Variants in TENM1 observed in about 807,000 individuals in gnomAD.
TENM1 encodes the protein teneurin transmembrane protein 1.
A neutral mutation model predicts 174.8 loss-of-function variants in TENM1; 35 were observed. The ratio of observed to expected loss-of-function variants is 0.20; its 90% CI spans 0.15 to 0.27. The LOEUF is 0.27. Among genes scored for constraint, TENM1 ranks in the 10% least tolerant of loss-of-function variants. The probability of loss-of-function intolerance (pLI) is 1.00; values close to 1 mark genes in which losing one functional copy is unlikely to be tolerated. For synonymous variants in TENM1, 781 were observed against 798.7 expected (o/e 0.98, Z 0.37); for missense variants, 1,633 against 2,130.1 (o/e 0.77, Z 4.59).
chrX:124,847,140 T>C (rs1337889762), intron 3 of TENM1, among the ~76,000 whole-genome samples: 1 of 111,106 alleles, frequency 9.0e-6, no homozygotes. Context: ...AAAGGACTTC[T>C]CAGAGCCTTT....
intron 11 of TENM1, among the ~76,000 whole-genome samples, chrX:124,584,641 A>C (rs947119942): frequency 7.2e-5 from 8 of 111,244 alleles, no homozygotes; most frequent in African/African-American, 1.3e-4. Context: ...AGAGCAAAAT[A>C]ACCAGCTAAC....
intron 3 of TENM1, among the ~76,000 whole-genome samples, chrX:124,746,009 T>C (rs2053909679): frequency 9.0e-6 from 1 of 111,730 alleles, no homozygotes; most frequent in Non-Finnish European, 1.9e-5. Context: ...GAAAGTTTTA[T>C]TTCCCCTCTT....
intron 15 of TENM1, among the ~76,000 whole-genome samples, chrX:124,543,045 T>C (rs891223715): frequency 1.8e-5 from 2 of 111,942 alleles, no homozygotes; most frequent in Non-Finnish European, 3.8e-5. Context: ...AGACCAGAAA[T>C]CACAAACTCA....
chrX:124,651,475 G>A (rs1248663763), intron 8 of TENM1, among the ~76,000 whole-genome samples: 2 of 111,715 alleles, frequency 1.8e-5, no homozygotes, highest in Non-Finnish European at 3.8e-5. Context: ...AAGCCCTAAT[G>A]CTTCTAGAAC....
intron 1 of TENM1, among the ~76,000 whole-genome samples, chrX:124,936,840 A>C (rs770203589): frequency 1.9e-3 from 209 of 111,565 alleles, no homozygotes; most frequent in African/African-American, 6.4e-3. Flanking sequence ...TGAGATCAGG[A>C]GTTTGAGACC....
At chrX:125,090,824 A>G in the TENM1 span, among the ~76,000 whole-genome samples, 1 of 111,674 alleles carries the variant, frequency 9.0e-6, no homozygotes, top group Non-Finnish European at 1.9e-5. Context: ...AAGGGAACAC[A>G]AATACTTGCA....
chrX:124,586,119 C>G (rs2049502982), intron 11 of TENM1, among the ~76,000 whole-genome samples: 1 of 109,900 alleles, frequency 9.1e-6, no homozygotes, highest in Admixed American at 9.7e-5. Context: ...CAAGGAGGAA[C>G]TGGTACCATT....
chrX:124,543,751 A>T (rs778017075), intron 15 of TENM1, among the ~76,000 whole-genome samples: 33 of 112,074 alleles, frequency 2.9e-4, no homozygotes, highest in Non-Finnish European at 3.2e-4. Flanking sequence ...TTAGGAAAAA[A>T]ATGGCAACTC....
chrX:125,017,955 C>T, the TENM1 span, among the ~76,000 whole-genome samples: 1 of 111,005 alleles, frequency 9.0e-6, no homozygotes, highest in South Asian at 3.8e-4. Flanking sequence ...CACTGTGGCA[C>T]GTGTATACCT....
Position 124,912,301 on chromosome X carries a change from T to C in TENM1, c.218-16060A>G, listed in dbSNP as rs749989335. ...GGCTTCTCTGTACAGTATCCTCCAT[T>C]TGAGGGAAGTTGAGGACCCTGGGAG... On this transcript the variant is annotated intron_variant, in intron 1 of 31. Coordinates refer to ENST00000422452, the Ensembl canonical transcript of TENM1. Among the ~76,000 whole-genome samples, 6 of 111,313 alleles carry C rather than the reference T, an allele frequency of 5.4e-5. No homozygotes were observed. The South Asian group carries it at 2.3e-3, about 43-fold the overall frequency.
chrX:125,059,169 C>T, the TENM1 span, among the ~76,000 whole-genome samples: 1 of 110,400 alleles, frequency 9.1e-6, no homozygotes, highest in Non-Finnish European at 1.9e-5. Context: ...AAAAGACAAT[C>T]CACAATCAGA....
At chrX:124,758,085 A>G (rs2054312332) in intron 3 of TENM1, among the ~76,000 whole-genome samples, 1 of 112,042 alleles carries the variant, frequency 8.9e-6, no homozygotes, top group African/African-American at 3.2e-5. Context: ...ATGGGAGAAA[A>G]TATTTGCAAA....
the TENM1 span, among the ~76,000 whole-genome samples, chrX:124,983,910 C>T: frequency 9.0e-6 from 1 of 110,762 alleles, no homozygotes; most frequent in Non-Finnish European, 1.9e-5. Flanking sequence ...CCACTGTGCC[C>T]GGGCAATAAG....
chrX:124,432,897 C>A (rs2060796125), intron 23 of TENM1, among the ~76,000 whole-genome samples: 1 of 112,217 alleles, frequency 8.9e-6, no homozygotes, highest in African/African-American at 3.2e-5. Flanking sequence ...GAGAGCTGAC[C>A]CAAGTGGAAG....
chrX:124,397,976 C>T (rs1273995243), intron 27 of TENM1, among the ~76,000 whole-genome samples: 3 of 109,036 alleles, frequency 2.8e-5, no homozygotes, highest in East Asian at 3.0e-4. Flanking sequence ...CGTCTGTAAT[C>T]CCAGCACTTT....
chrX:124,938,805 T>A (rs753488019), intron 1 of TENM1, among the ~76,000 whole-genome samples: 3 of 111,638 alleles, frequency 2.7e-5, no homozygotes, highest in African/African-American at 9.8e-5. Flanking sequence ...TGGTGAGTAA[T>A]TGTATATACA....
At chrX:124,647,808 T>C (rs2051200493) in intron 8 of TENM1, among the ~76,000 whole-genome samples, 1 of 109,781 alleles carries the variant, frequency 9.1e-6, no homozygotes, top group African/African-American at 3.3e-5. Context: ...AAATTTCTCA[T>C]ACTCAGCATT....
Position 124,471,342 on chromosome X carries a change from TAA to T in TENM1, c.3949+10388_3949+10389del, listed in dbSNP as rs1278918149. 8.9e-3 allele frequency among the ~76,000 whole-genome samples: 86 copies of T among 9,669 alleles called. 8 individuals carry two copies. Among genetic ancestry groups the T allele is most frequent in the African/African-American group, 0.03 (81 of 2,691 alleles). 8.4% of individuals were successfully genotyped at this position (9,669 alleles called of 115,157 possible). On this transcript the variant is annotated intron_variant, in intron 22 of 31. Transcript: ENST00000422452. ...ATATTATAATATATAGTACTATATA[TAA>T]TATATATTATAATATATAGTACTAT...
rs777494284 is a variant in TENM1, at chrX:124,822,605, T to C, written c.535+71691A>G. On this transcript the variant is annotated intron_variant, in intron 3 of 31. Coordinates refer to ENST00000422452, the Ensembl canonical transcript of TENM1. ...GACTTCTGATTTTCTAACCTCATAT[T>C]ATAAGCCCTGTTTTTATATATCTTA... 2.7e-5 allele frequency among the ~76,000 whole-genome samples: 3 copies of C among 111,975 alleles called. No homozygotes were observed. The Admixed American group carries it at 2.8e-4, about 11-fold the overall frequency.
Sources: gnomAD v4.1 joint callset for allele counts (sites outside exome capture counted in the v4.1 genomes callset) on GRCh38, gnomAD v4.1.1 for gene constraint, MANE v1.5 for transcripts, NCBI Gene and HGNC (gene_info 2026-07-23, HGNC 2026-07-21) for gene names.